The following DNAH11 variants were observed in gnomAD, a reference collection of about 807,000 sequenced individuals.
The protein encoded by DNAH11 is dynein axonemal heavy chain 11, also known as axonemal beta dynein heavy chain 11.
In DNAH11, 442 loss-of-function variants were observed where a neutral mutation model predicts 526.0. The observed-to-expected ratio is 0.84, with a 90% CI of 0.78 to 0.91. The LOEUF is 0.91. Ranked by LOEUF, DNAH11 falls within the 40% of genes least tolerant of loss-of-function variation. The pLI is 0.00. For synonymous variants in DNAH11, 2,461 were observed against 1,935.9 expected (o/e 1.27, Z -7.12); for missense variants, 6,989 against 5,448.7 (o/e 1.28, Z -8.90).
intron 81 of DNAH11, 43 bp downstream of exon 81, chr7:21,900,163 AGGTTCAGATCAGT>A: frequency 6.3e-7 from 1 of 1,575,382 alleles, no homozygotes; most frequent in Non-Finnish European, 8.6e-7. Flanking sequence ...TTTCTTACTC[AGGTTCAGATCAGT>A]GTTTGTCCTC....
intron 71 of DNAH11, among the ~76,000 whole-genome samples, chr7:21,867,261 T>C (rs1337700360): frequency 6.6e-6 from 1 of 152,222 alleles, no homozygotes; most frequent in Non-Finnish European, 1.5e-5. Context: ...TCCTTCCCTA[T>C]TGTGTTTCTT....
intron 61 of DNAH11, among the ~76,000 whole-genome samples, chr7:21,793,691 A>G (rs1018302470): frequency 1.3e-5 from 2 of 151,542 alleles, no homozygotes; most frequent in African/African-American, 4.8e-5. Context: ...AGACCTATGT[A>G]GTCTAGTGTT....
chr7:21,817,061 T>C (rs1396185357), intron 64 of DNAH11, among the ~76,000 whole-genome samples: 1 of 152,150 alleles, frequency 6.6e-6, no homozygotes, highest in Non-Finnish European at 1.5e-5. Flanking sequence ...GGCTTCATGA[T>C]GTTTACGGTC....
chr7:21,812,485 A>G (rs907920394), intron 63 of DNAH11, among the ~76,000 whole-genome samples: 3 of 151,358 alleles, frequency 2.0e-5, no homozygotes, highest in African/African-American at 7.3e-5. Context: ...CCTGGGCTAC[A>G]CAGTGAGACA....
At chr7:21,674,610 C>G (rs566896531) in intron 30 of DNAH11, among the ~76,000 whole-genome samples, 1 of 152,132 alleles carries the variant, frequency 6.6e-6, no homozygotes, top group African/African-American at 2.4e-5. Context: ...CCATCTGCCT[C>G]GGCCTGCCAC....
In DNAH11 at chr7:21,880,738, A is replaced by T. The variant is rs1583806864; in HGVS notation, c.12232A>T (p.Lys4078Ter). The T allele has an allele frequency of 6.2e-7, 1 of 1,613,988 alleles. No individual in the cohort carries two copies. The highest frequency in any genetic ancestry group is 8.5e-7 in the Non-Finnish European group (1 of 1,179,894). Residue 4078 changes from lysine (K) to a stop codon, truncating the protein, a stop_gained, in exon 75 of 82, where the codon AAA becomes TAA. Transcript: ENST00000409508. LOFTEE classifies it high-confidence loss of function. ...AATATGCTCCAAGGAGCAGGAGTTT[A>T]AAAGCATCCTTTTTTCTCTCTGCTA... ...LEICSKEQEF[K>*]SILFSLCYFH...
intron 66 of DNAH11, among the ~76,000 whole-genome samples, chr7:21,843,593 G>C (rs1782300383): frequency 6.7e-6 from 1 of 150,286 alleles, no homozygotes; most frequent in Non-Finnish European, 1.5e-5. Context: ...CGATTCTTCT[G>C]CCTCAGCTTC....
intron 47 of DNAH11, among the ~76,000 whole-genome samples, chr7:21,739,347 A>G (rs1583646667): frequency 6.6e-6 from 1 of 152,294 alleles, no homozygotes; most frequent in South Asian, 2.1e-4. Context: ...GTTTACATTG[A>G]CGCAGCTCCA....
At chr7:21,615,871 T>TAA (rs1189101775) in intron 21 of DNAH11, among the ~76,000 whole-genome samples, 1 of 152,184 alleles carries the variant, frequency 6.6e-6, no homozygotes, top group Non-Finnish European at 1.5e-5. Context: ...GAAAGCTTAT[T>TAA]TAGTTACATG....
chr7:21,609,119 C>T (rs1490654042), intron 20 of DNAH11, among the ~76,000 whole-genome samples: 1 of 152,180 alleles, frequency 6.6e-6, no homozygotes, highest in Non-Finnish European at 1.5e-5. Flanking sequence ...TTAAGTACTA[C>T]CGTTTCTTCA....
chr7:21,827,631 A>G (rs1414306240), intron 65 of DNAH11, among the ~76,000 whole-genome samples: 1 of 151,000 alleles, frequency 6.6e-6, no homozygotes, highest in Non-Finnish European at 1.5e-5. Context: ...TAATAGAAAT[A>G]TTAACTATAT....
Position 21,744,531 on chromosome 7 carries a change from C to T in DNAH11, c.8248C>T (p.Leu2750=), listed in dbSNP as rs372028726. Residue 2750 remains leucine (L), a synonymous_variant, in exon 50 of 82, where the codon CTG becomes TTG. Transcript: ENST00000409508. ...ATCTGCCCGTGTTTATGGAGACAAACTGATAGACAAAAAAGATTGTGATTT... is the reference window on the plus strand; with the variant it reads ...ATCTGCCCGTGTTTATGGAGACAAATTGATAGACAAAAAAGATTGTGATTT... ...HESARVYGDK[L]IDKKDCDLFQ... The T allele has an allele frequency of 1.2e-6, 2 of 1,613,216 alleles. No homozygotes were observed. Among genetic ancestry groups the T allele is most frequent in the Non-Finnish European group, 1.7e-6 (2 of 1,179,744 alleles).
At chr7:21,820,641 G>A (rs1790013225) in intron 65 of DNAH11, among the ~76,000 whole-genome samples, 2 of 152,128 alleles carry the variant, frequency 1.3e-5, no homozygotes, top group Non-Finnish European at 1.5e-5. Context: ...AGACTGGAGA[G>A]GAGAGCAGGA....
rs1386882237 is a variant in DNAH11, at chr7:21,704,539, C to T, written c.6379C>T (p.Pro2127Ser). The T allele has an allele frequency of 6.2e-7, 1 of 1,613,722 alleles. No homozygotes were observed. Among genetic ancestry groups the T allele is most frequent in the Admixed American group, 1.7e-5 (1 of 59,970 alleles). ...VGDLFPALDV[P>S]RRRKLHFEQM... ...TGACCTGTTTCCAGCCCTGGATGTG[C>T]CCCGGAGGAGGAAGCTGCACTTTGA... Residue 2127 changes from proline to serine, a missense_variant, in exon 38 of 82, where the codon CCC becomes TCC. Coordinates refer to ENST00000409508, the MANE Select transcript of DNAH11 (RefSeq NM_001277115.2).
At chr7:21,869,124 A>C in intron 73 of DNAH11, 133 bp downstream of exon 73, 2 of 1,297,464 alleles carry the variant, frequency 1.5e-6, no homozygotes. Context: ...CAGTACTGTC[A>C]GTGTTCATGA....
At chr7:21,729,363 T>C (rs1785273730) in intron 45 of DNAH11, among the ~76,000 whole-genome samples, 1 of 152,230 alleles carries the variant, frequency 6.6e-6, no homozygotes. Flanking sequence ...ACACCCCTAA[T>C]TTCTTTATGG....
At chr7:21,613,226 A>T (rs1050697756) in intron 20 of DNAH11, among the ~76,000 whole-genome samples, 6 of 152,230 alleles carry the variant, frequency 3.9e-5, no homozygotes, top group African/African-American at 1.4e-4. Context: ...TGATATATGT[A>T]GTAAACTGCA....
At chr7:21,622,511 A>C (rs967059528) in intron 25 of DNAH11, among the ~76,000 whole-genome samples, 9 of 152,222 alleles carry the variant, frequency 5.9e-5, no homozygotes. Flanking sequence ...CGCATTGCCA[A>C]GTCAATCCTA....
At chr7:21,715,208 A>G (rs1326020707) in intron 42 of DNAH11, among the ~76,000 whole-genome samples, 2 of 152,208 alleles carry the variant, frequency 1.3e-5, no homozygotes, top group Non-Finnish European at 2.9e-5. Flanking sequence ...CTTCTATCCT[A>G]TACAACAGGA....
Sources: gnomAD v4.1 joint callset for allele counts (sites outside exome capture counted in the v4.1 genomes callset) on GRCh38, gnomAD v4.1.1 for gene constraint, MANE v1.5 for transcripts, NCBI Gene and HGNC (gene_info 2026-07-23, HGNC 2026-07-21) for gene names.